HPD: variants seen among roughly 807,000 people sequenced by gnomAD.
HPD encodes the protein 4-hydroxyphenylpyruvate dioxygenase, also known as 4-hydroxyphenylpyruvic acid oxidase.
In HPD, 35 loss-of-function variants were observed where a neutral mutation model predicts 56.9. The ratio of observed to expected loss-of-function variants is 0.62; its 90% CI spans 0.47 to 0.82. The LOEUF (loss-of-function observed/expected upper bound fraction) is 0.82. Among genes scored for constraint, HPD ranks in the 40% least tolerant of loss-of-function variants. The pLI is 0.00. For synonymous variants in HPD, 186 were observed against 200.2 expected (o/e 0.93, Z 0.60); for missense variants, 442 against 506.8 (o/e 0.87, Z 1.23).
chr12:121,851,331 A>G (rs1397984885), intron 7 of HPD, among the ~76,000 whole-genome samples: 1 of 150,292 alleles, frequency 6.7e-6, no homozygotes, highest in African/African-American at 2.5e-5. Context: ...TAATTTTTTA[A>G]CTTTTATTTT....
Position 121,849,702 on chromosome 12 carries a change from G to C in HPD, c.503C>G (p.Pro168Arg), listed in dbSNP as rs1287450385. The C allele has an allele frequency of 1.2e-6, 2 of 1,611,762 alleles. No homozygotes were observed. Among genetic ancestry groups the C allele is most frequent in the African/African-American group, 2.7e-5 (2 of 74,864 alleles). Residue 168 changes from proline (P) to arginine (R), a missense_variant, in exon 8 of 14, where the codon CCC becomes CGC. Transcript: ENST00000289004. Reference protein sequence around the residue: ...PGYEAPAFMDPLLPKLPKCSL... With the variant: ...PGYEAPAFMDRLLPKLPKCSL... ...GGACACTCACAGTTTAGGAAGTAGG[G>C]GGTCCATGAACGCTGGGGCCTCATA...
intron 7 of HPD, among the ~76,000 whole-genome samples, chr12:121,852,923 C>T (rs73413782): frequency 0.021 from 3,252 of 152,066 alleles, 94 homozygotes; most frequent in African/African-American, 0.073. Context: ...TGAGCCACTG[C>T]GCCCAGTTCT....
At chr12:121,840,551 C>G (rs1456109504) in intron 12 of HPD, among the ~76,000 whole-genome samples, 1 of 151,984 alleles carries the variant, frequency 6.6e-6, no homozygotes, top group Non-Finnish European at 1.5e-5. Context: ...CCACCCACCT[C>G]GACCTCCCAA....
chr12:121,843,807 A>G lies in HPD; in HGVS notation c.857T>C (p.Leu286Pro). The G allele has an allele frequency of 6.2e-7, 1 of 1,614,002 alleles. No homozygotes were observed. Among genetic ancestry groups the G allele is most frequent in the Non-Finnish European group, 8.5e-7 (1 of 1,179,962 alleles). The change falls in exon 12 of 14, where the codon CTG (leucine) becomes CCG (proline). Residue 286 changes from leucine to proline, a missense_variant. Coordinates refer to ENST00000289004, the MANE Select transcript of HPD (RefSeq NM_002150.3). The stretch of plus-strand genomic sequence containing the variant: ...CGTGGAGGGAACAGATAAGAACTCC[A>G]GGCCTCTCTCTCTCAAGTGGCGAAT... ...TAIRHLRERG[L>P]EFLSVPSTYY...
intron 2 of HPD, 88 bp from the exon 3 acceptor site, chr12:121,857,907 T>C: frequency 1.0e-6 from 1 of 974,216 alleles, no homozygotes; most frequent in South Asian, 1.4e-5. Flanking sequence ...GCCACCCTCC[T>C]TATTCCAGCC....
intron 11 of HPD, among the ~76,000 whole-genome samples, chr12:121,845,715 T>C (rs752135776): frequency 4.6e-5 from 7 of 152,004 alleles, no homozygotes; most frequent in Non-Finnish European, 1.0e-4. Flanking sequence ...GACCCCCCAA[T>C]TTAAATGTGC....
At chr12:121,874,864 C>T in the HPD span, among the ~76,000 whole-genome samples, 726 of 151,902 alleles carry the variant, frequency 4.8e-3, 8 homozygotes, top group African/African-American at 0.016. Flanking sequence ...CGGGTTCAAG[C>T]GATTCCCTTG....
upstream of HPD, chr12:121,858,992 C>T: frequency 1.4e-6 from 1 of 721,672 alleles, no homozygotes; most frequent in Non-Finnish European, 2.4e-6. Flanking sequence ...TCTGATCCAG[C>T]CGCAGCCTCA....
chr12:121,883,307 C>A, the HPD span, among the ~76,000 whole-genome samples: 712 of 150,796 alleles, frequency 4.7e-3, 5 homozygotes, highest in African/African-American at 0.016. Context: ...AAGAGAAGGG[C>A]ACTGAAGCCA....
At chr12:121,886,041 C>A in the HPD span, among the ~76,000 whole-genome samples, 1 of 151,620 alleles carries the variant, frequency 6.6e-6, no homozygotes, top group African/African-American at 2.4e-5. Context: ...GTGATCCAGC[C>A]GCCTCGGTCT....
the HPD span, among the ~76,000 whole-genome samples, chr12:121,869,937 GATT>G: frequency 3.3e-5 from 5 of 151,912 alleles, no homozygotes; most frequent in African/African-American, 7.2e-5. Flanking sequence ...GAAGTGGGCT[GATT>G]ATTATTATTA....
At chr12:121,855,731 AAG>A (rs200315307) in intron 6 of HPD, among the ~76,000 whole-genome samples, 5 of 141,952 alleles carry the variant, frequency 3.5e-5, no homozygotes, top group African/African-American at 8.4e-5. Flanking sequence ...ACACACACAA[AAG>A]AAAGAAAAAG....
the HPD span, among the ~76,000 whole-genome samples, chr12:121,883,833 T>A: frequency 6.6e-6 from 1 of 152,086 alleles, no homozygotes; most frequent in Admixed American, 6.6e-5. Context: ...TGAACATGCA[T>A]ATACTCTTCA....
intron 12 of HPD, among the ~76,000 whole-genome samples, chr12:121,841,792 C>G (rs1194197660): frequency 6.6e-6 from 1 of 151,734 alleles, no homozygotes; most frequent in African/African-American, 2.4e-5. Context: ...TCAAGCAATT[C>G]TCCGGCCTCA....
At chr12:121,856,129 C>T (rs1009920785) in intron 6 of HPD, 195 bp downstream of exon 6, 2 of 662,424 alleles carry the variant, frequency 3.0e-6, no homozygotes, top group African/African-American at 3.5e-5. Context: ...AGGTGTGTGT[C>T]ACACCAGCAT....
intron 3 of HPD, 118 bp downstream of exon 3, chr12:121,857,639 C>T: frequency 1.1e-6 from 1 of 950,358 alleles, no homozygotes; most frequent in Non-Finnish European, 1.7e-6. Flanking sequence ...ATCTGGCCCA[C>T]CCCTGGCCTG....
the HPD span, among the ~76,000 whole-genome samples, chr12:121,881,813 A>T: frequency 1.1e-4 from 15 of 137,604 alleles, no homozygotes; most frequent in African/African-American, 3.7e-4. Context: ...TGCTCAGCTA[A>T]TTTTTTGTAT....
chr12:121,861,608 C>T (rs964760690), upstream of HPD, among the ~76,000 whole-genome samples: 2 of 152,056 alleles, frequency 1.3e-5, no homozygotes, highest in Non-Finnish European at 2.9e-5. Context: ...TGGAAAAAAA[C>T]ATGAAAAAGA....
chr12:121,843,886 A>G, intron 11 of HPD, 54 bp from the exon 12 acceptor site: 1 of 1,611,664 alleles, frequency 6.2e-7, no homozygotes, highest in South Asian at 1.1e-5. Flanking sequence ...CAACTCCCCT[A>G]GCCAGGTGGA....
Sources: gnomAD v4.1 joint callset for allele counts (sites outside exome capture counted in the v4.1 genomes callset) on GRCh38, gnomAD v4.1.1 for gene constraint, MANE v1.5 for transcripts, NCBI Gene and HGNC (gene_info 2026-07-23, HGNC 2026-07-21) for gene names.